TSG101: variants seen among roughly 807,000 people sequenced by gnomAD.
The protein encoded by TSG101 is tumor susceptibility gene 101 protein.
In TSG101, 19 loss-of-function variants were observed where a neutral mutation model predicts 48.5. The ratio of observed to expected loss-of-function variants is 0.39; its 90% CI spans 0.27 to 0.58. The LOEUF (loss-of-function observed/expected upper bound fraction) is 0.58, where lower values mean the gene tolerates loss of function less well. Ranked by LOEUF, TSG101 falls within the 20% of genes least tolerant of loss-of-function variation. The pLI, the probability that TSG101 is intolerant of heterozygous loss-of-function variation, is 0.55. For missense variants in TSG101, 365 were observed against 484.4 expected (o/e 0.75, Z 2.31); for synonymous variants, 174 against 169.4 (o/e 1.03, Z -0.21).
intron 3 of TSG101, 46 bp from the exon 4 acceptor site, chr11:18,514,887 T>C (rs1003344546): frequency 6.1e-5 from 91 of 1,480,956 alleles, no homozygotes; most frequent in Non-Finnish European, 8.2e-5. Context: ...TTATTATTTT[T>C]AAATTGAAGA....
chr11:18,509,386 T>G (rs1338557225), intron 5 of TSG101, among the ~76,000 whole-genome samples, 156 bp downstream of exon 5: 1 of 152,236 alleles, frequency 6.6e-6, no homozygotes, highest in East Asian at 1.9e-4. Flanking sequence ...TGGGAATCTG[T>G]ACATGCAGAT....
intron 8 of TSG101, among the ~76,000 whole-genome samples, chr11:18,482,861 A>C (rs1447847256): frequency 9.2e-5 from 14 of 152,136 alleles, no homozygotes. Context: ...GAACTCTCTA[A>C]ACTTATTTCC....
Position 18,526,921 on chromosome 11 carries a change from A to G in TSG101, c.-105T>C. The G allele has an allele frequency of 7.6e-7, 1 of 1,309,960 alleles. No homozygotes were observed. Among genetic ancestry groups the G allele is most frequent in the Non-Finnish European group, 1.0e-6 (1 of 952,528 alleles). 81.1% of individuals were successfully genotyped at this position (1,309,960 alleles called of 1,614,324 possible). ...GCACACCCCCAACCCGGCCTCAAAC[A>G]ACAGGAAGTCGGCACCACTACACCA... is the stretch of plus-strand genomic sequence containing the variant. On this transcript the variant is annotated 5_prime_UTR_variant, in exon 1 of 10. Coordinates refer to ENST00000251968, the MANE Select transcript of TSG101 (RefSeq NM_006292.4).
At chr11:18,488,494 G>T (rs895105379) in intron 7 of TSG101, among the ~76,000 whole-genome samples, 2 of 152,110 alleles carry the variant, frequency 1.3e-5, no homozygotes, top group African/African-American at 4.8e-5. Flanking sequence ...CTGGTGAGGG[G>T]CACTAAAAAG....
intron 7 of TSG101, among the ~76,000 whole-genome samples, chr11:18,500,778 C>T (rs1352859404): frequency 8.6e-5 from 13 of 150,838 alleles, no homozygotes. Flanking sequence ...CGTCTCTTTA[C>T]TTTGTTGACT....
intron 4 of TSG101, among the ~76,000 whole-genome samples, chr11:18,513,553 G>A (rs1453096830): frequency 2.0e-5 from 3 of 152,110 alleles, no homozygotes; most frequent in Non-Finnish European, 2.9e-5. Flanking sequence ...TCCTGCCTCA[G>A]CTTTCCAAAG....
intron 7 of TSG101, among the ~76,000 whole-genome samples, chr11:18,501,482 T>A (rs1464753009): frequency 6.6e-6 from 1 of 152,252 alleles, no homozygotes; most frequent in Non-Finnish European, 1.5e-5. Context: ...TTTCTGTTTT[T>A]ATACCAATAC....
At chr11:18,493,880 C>T (rs1392433395) in intron 7 of TSG101, among the ~76,000 whole-genome samples, 1 of 152,150 alleles carries the variant, frequency 6.6e-6, no homozygotes, top group Non-Finnish European at 1.5e-5. Context: ...ATGTAAGCTT[C>T]TAATACTACT....
intron 7 of TSG101, chr11:18,491,121 A>G (rs79687295): frequency 0.051 from 8,438 of 164,256 alleles, 313 homozygotes; most frequent in Middle Eastern, 0.089. Flanking sequence ...TTAAAGTTCA[A>G]GCAAAATAAG....
intron 4 of TSG101, 134 bp downstream of exon 4, chr11:18,514,544 C>G: frequency 3.5e-6 from 2 of 576,452 alleles, no homozygotes; most frequent in Non-Finnish European, 5.3e-6. Context: ...AATTTACCCT[C>G]AACTCAGTGA....
chr11:18,482,643 G>T (rs1253237323), intron 8 of TSG101, among the ~76,000 whole-genome samples: 2 of 152,336 alleles, frequency 1.3e-5, no homozygotes, highest in Middle Eastern at 3.4e-3. Flanking sequence ...CCAAGGCATA[G>T]CTGTCTGTTA....
Position 18,506,855 on chromosome 11 carries a change from A to G in TSG101, c.548+2T>C. 6.3e-7 allele frequency: 1 copy of G among 1,583,144 alleles called. No individual in the cohort carries two copies. The highest frequency in any genetic ancestry group is 8.6e-7 in the Non-Finnish European group (1 of 1,162,700). On this transcript the variant is annotated splice_donor_variant, in intron 6 of 9. Transcript: ENST00000251968. LOFTEE classifies it high-confidence loss of function. ...ATTATTCAAAAGAACGTTTTTCATT[A>G]CCTGGGATTGGGAGGGTATCCGGAT...
At position 18,499,381 on chromosome 11, in the gene TSG101, A is replaced by AATATATATATATATATATATATATATAT. The variant is rs1229188041; in HGVS notation, c.640+3104_640+3105insATATATATATATATATATATATATATAT. The stretch of plus-strand genomic sequence containing the variant: ...TTATATATAAATATGTTTATATTTA[A>AATATATATATATATATATATATATATAT]ATATATATATATATATATATATTTT... On this transcript the variant is annotated intron_variant, in intron 7 of 9. Transcript: ENST00000251968. 1.1e-3 allele frequency among the ~76,000 whole-genome samples: 13 copies of AATATATATATATATATATATATATATAT among 12,292 alleles called. 3 individuals are homozygous for AATATATATATATATATATATATATATAT. Among genetic ancestry groups the AATATATATATATATATATATATATATAT allele is most frequent in the Admixed American group, 4.7e-3 (2 of 422 alleles). 8.1% of individuals were successfully genotyped at this position (12,292 alleles called of 152,430 possible).
chr11:18,499,752 G>A (rs773451505), intron 7 of TSG101, among the ~76,000 whole-genome samples: 19 of 151,724 alleles, frequency 1.3e-4, no homozygotes, highest in Non-Finnish European at 1.9e-4. Context: ...ACATATTTAC[G>A]TGGGTACCAT....
At chr11:18,516,002 C>T in intron 3 of TSG101, 97 bp downstream of exon 3, 1 of 1,037,718 alleles carries the variant, frequency 9.6e-7, no homozygotes, top group Admixed American at 2.5e-5. Context: ...GCATCAAAGC[C>T]CTGAGAAAGT....
rs192410624 is a variant in TSG101 at position 18,488,976 on chromosome 11, G to A, written c.641-4904C>T. 5.9e-3 allele frequency among the ~76,000 whole-genome samples: 895 copies of A among 152,040 alleles called. 9 individuals carry two copies. Among genetic ancestry groups the A allele is most frequent in the African/African-American group, 0.021 (862 of 41,474 alleles). ...CTAAAAATACAAAAATTAGCTGGGCGTGGTGGTGCGTGCCTGTAGTCCCAG... is the reference window on the plus strand; with the variant it reads ...CTAAAAATACAAAAATTAGCTGGGCATGGTGGTGCGTGCCTGTAGTCCCAG... On this transcript the variant is annotated intron_variant, in intron 7 of 9. Coordinates refer to ENST00000251968, the MANE Select transcript of TSG101 (RefSeq NM_006292.4).
At chr11:18,502,687 G>C (rs1849908909) in intron 6 of TSG101, 110 bp from the exon 7 acceptor site, 2 of 761,938 alleles carry the variant, frequency 2.6e-6, no homozygotes, top group Non-Finnish European at 4.2e-6. Context: ...TTTACCAGTT[G>C]ATGAATTTAT....
In TSG101 at chr11:18,481,639, G is replaced by A. The variant is rs756015224; in HGVS notation, c.1074C>T (p.Val358=). ...TAAAATGAAGAAATACCTTCAGGAAGACATCCAGGTCTATCACGCCCCTTC... is the reference window on the plus strand; with the variant it reads ...TAAAATGAAGAAATACCTTCAGGAAAACATCCAGGTCTATCACGCCCCTTC... ...ALRRGVIDLD[V]FLKHVRLLSR... is the part of the protein sequence containing the mutation. Residue 358 remains valine (V), a synonymous_variant, in exon 9 of 10, where the codon GTC becomes GTT. Transcript: ENST00000251968. The A allele has an allele frequency of 5.6e-6, 9 of 1,610,586 alleles. No individual in the cohort carries two copies. Among genetic ancestry groups the A allele is most frequent in the Admixed American group, 3.4e-5 (2 of 59,394 alleles).
Position 18,497,376 on chromosome 11 carries a change from C to G in TSG101, c.640+5110G>C, listed in dbSNP as rs531508960. Among the ~76,000 whole-genome samples, 8 of 152,134 alleles carry G rather than the reference C, an allele frequency of 5.3e-5. No homozygotes were observed. In the South Asian group the frequency reaches 6.2e-4, roughly 12 times the overall value. Reference sequence around the variant, plus strand: ...TATATTAAAGGATATCCTAAATTATCATAAAATAATTTGCCTCTAGCCTAT... The same window carrying G: ...TATATTAAAGGATATCCTAAATTATGATAAAATAATTTGCCTCTAGCCTAT... On this transcript the variant is annotated intron_variant, in intron 7 of 9. Coordinates refer to ENST00000251968, the MANE Select transcript of TSG101 (RefSeq NM_006292.4).
Sources: gnomAD v4.1 joint callset for allele counts (sites outside exome capture counted in the v4.1 genomes callset) on GRCh38, gnomAD v4.1.1 for gene constraint, MANE v1.5 for transcripts, NCBI Gene and HGNC (gene_info 2026-07-23, HGNC 2026-07-21) for gene names.